GRID1: variants seen among roughly 807,000 people sequenced by gnomAD.
GRID1 encodes glutamate ionotropic receptor delta type subunit 1, also known as glutamate receptor ionotropic, delta-1.
GRID1 carries 28 observed loss-of-function variants against 98.0 expected under a neutral mutation model. That is an observed-to-expected ratio of 0.29 (90% CI 0.21 to 0.39). The LOEUF is 0.39. Among genes scored for constraint, GRID1 ranks in the 10% least tolerant of loss-of-function variants. The pLI is 1.00. For missense variants in GRID1, 1,111 were observed against 1,340.5 expected (o/e 0.83, Z 2.67); for synonymous variants, 553 against 538.5 (o/e 1.03, Z -0.37).
At chr10:85,713,573 T>C (rs751740453) in intron 12 of GRID1, among the ~76,000 whole-genome samples, 8 of 150,544 alleles carry the variant, frequency 5.3e-5, no homozygotes, top group African/African-American at 2.0e-4. Context: ...ATATCCCAGA[T>C]GAGCATAGAT....
intron 8 of GRID1, among the ~76,000 whole-genome samples, chr10:85,794,584 T>C (rs1449466835): frequency 6.6e-6 from 1 of 152,226 alleles, no homozygotes; most frequent in African/African-American, 2.4e-5. Flanking sequence ...GATTGACAGA[T>C]TGAATAGCTG....
chr10:85,895,416 G>A (rs1841277807), intron 5 of GRID1, among the ~76,000 whole-genome samples: 1 of 151,978 alleles, frequency 6.6e-6, no homozygotes, highest in Non-Finnish European at 1.5e-5. Context: ...AGCTCAATCA[G>A]AAGACAAGCC....
At chr10:85,881,873 C>A (rs1841032716) in intron 5 of GRID1, among the ~76,000 whole-genome samples, 1 of 152,118 alleles carries the variant, frequency 6.6e-6, no homozygotes, top group South Asian at 2.1e-4. Context: ...GCAATCTACT[C>A]ATCTGACAAA....
At chr10:86,281,360 G>C (rs1317088879) in intron 2 of GRID1, among the ~76,000 whole-genome samples, 1 of 152,196 alleles carries the variant, frequency 6.6e-6, no homozygotes, top group Non-Finnish European at 1.5e-5. Flanking sequence ...GCAGCCAGTG[G>C]CTGCAGAGGG....
intron 13 of GRID1, among the ~76,000 whole-genome samples, chr10:85,632,204 C>T (rs1470289066): frequency 6.6e-6 from 1 of 152,188 alleles, no homozygotes; most frequent in Non-Finnish European, 1.5e-5. Context: ...CCTGTTTGCC[C>T]CTCCAGGTCT....
chr10:86,230,074 T>C (rs993877991), intron 2 of GRID1, among the ~76,000 whole-genome samples: 10 of 152,138 alleles, frequency 6.6e-5, no homozygotes, highest in Non-Finnish European at 1.3e-4. Flanking sequence ...CTGCTCCTGG[T>C]AGCAGCAGCT....
At chr10:86,173,441 G>A (rs896523152) in intron 3 of GRID1, among the ~76,000 whole-genome samples, 1 of 152,062 alleles carries the variant, frequency 6.6e-6, no homozygotes, top group Non-Finnish European at 1.5e-5. Context: ...ATCTTCCCAT[G>A]GTCACACACA....
At chr10:85,841,201 T>C (rs536894314) in intron 8 of GRID1, among the ~76,000 whole-genome samples, 1 of 152,284 alleles carries the variant, frequency 6.6e-6, no homozygotes, top group Admixed American at 6.5e-5. Flanking sequence ...TACAACTACC[T>C]GATCTTCAAC....
chr10:85,773,311 A>G (rs1047154050), intron 8 of GRID1, among the ~76,000 whole-genome samples: 25 of 152,192 alleles, frequency 1.6e-4, no homozygotes, highest in Non-Finnish European at 3.7e-4. Flanking sequence ...TTAGGTATTG[A>G]TGGGATGTAT....
intron 12 of GRID1, among the ~76,000 whole-genome samples, chr10:85,691,474 CCTGCTGTCCCTCCTCA>C (rs1170185876): frequency 6.6e-6 from 1 of 152,174 alleles, no homozygotes; most frequent in Non-Finnish European, 1.5e-5. Flanking sequence ...CTGGCATCTG[CCTGCTGTCCCTCCTCA>C]CTGAGATAAT....
intron 14 of GRID1, among the ~76,000 whole-genome samples, chr10:85,617,229 C>G (rs975300451): frequency 1.1e-4 from 16 of 143,756 alleles, no homozygotes; most frequent in Non-Finnish European, 2.5e-4. Context: ...AACAAAGCCC[C>G]CCCCCCCTTT....
chr10:85,831,729 A>G (rs1227974300), intron 8 of GRID1, among the ~76,000 whole-genome samples: 2 of 152,102 alleles, frequency 1.3e-5, no homozygotes, highest in Non-Finnish European at 2.9e-5. Flanking sequence ...GTCAAAAACA[A>G]TTTTGTTTAG....
chr10:86,074,456 T>C (rs1843851702), intron 4 of GRID1, among the ~76,000 whole-genome samples: 1 of 152,254 alleles, frequency 6.6e-6, no homozygotes, highest in African/African-American at 2.4e-5. Flanking sequence ...TCACTTAAGA[T>C]AATGACCTAA....
At chr10:86,313,632 C>T (rs752194181) in intron 2 of GRID1, among the ~76,000 whole-genome samples, 15 of 152,172 alleles carry the variant, frequency 9.9e-5, no homozygotes, top group Non-Finnish European at 1.5e-4. Flanking sequence ...GATATAATGA[C>T]GTCCGGGAAC....
At chr10:86,314,239 G>A (rs1238672936) in intron 2 of GRID1, among the ~76,000 whole-genome samples, 2 of 152,176 alleles carry the variant, frequency 1.3e-5, no homozygotes, top group African/African-American at 2.4e-5. Flanking sequence ...TGGTGCTCAG[G>A]GCCTGAGCTG....
Position 86,252,767 on chromosome 10 carries a change from G to C in GRID1, c.236-46119C>G, listed in dbSNP as rs549798587. Among the ~76,000 whole-genome samples, 31 of 152,260 alleles carry C rather than the reference G, an allele frequency of 2.0e-4. 1 individual carries two copies. In the South Asian group the frequency reaches 5.4e-3, roughly 26 times the overall value. On this transcript the variant is annotated intron_variant, in intron 2 of 15. Transcript: ENST00000327946. Reference sequence around the variant, plus strand: ...CTGAGATAACATTACCGTCTCTGGGGGCCTCCGGCTGAGTGTGAGATATTG... The same window carrying C: ...CTGAGATAACATTACCGTCTCTGGGCGCCTCCGGCTGAGTGTGAGATATTG...
chr10:86,014,420 G>A (rs1307812207), intron 4 of GRID1, among the ~76,000 whole-genome samples: 1 of 152,206 alleles, frequency 6.6e-6, no homozygotes, highest in Non-Finnish European at 1.5e-5. Context: ...TTCACTAAGT[G>A]AGTCAAAAAG....
At chr10:86,273,375 G>A (rs189001867) in intron 2 of GRID1, among the ~76,000 whole-genome samples, 3,432 of 126,712 alleles carry the variant, frequency 0.027, 122 homozygotes, top group Middle Eastern at 0.063. Context: ...ATAAACATAC[G>A]TCTGCATGTG....
intron 12 of GRID1, among the ~76,000 whole-genome samples, chr10:85,703,044 G>T (rs1841471198): frequency 1.3e-5 from 2 of 151,976 alleles, no homozygotes; most frequent in African/African-American, 2.4e-5. Flanking sequence ...GGGTAAGAGA[G>T]AAAGTAAAAG....
Sources: allele counts gnomAD v4.1 joint callset (sites outside exome capture counted in the v4.1 genomes callset), GRCh38; gene constraint gnomAD v4.1.1; transcripts MANE v1.5; gene names NCBI Gene and HGNC (gene_info 2026-07-23, HGNC 2026-07-21).